The following MKLN1 variants were observed in gnomAD, a reference collection of about 807,000 sequenced individuals.
MKLN1 encodes muskelin.
A neutral mutation model predicts 99.0 loss-of-function variants in MKLN1; 18 were observed. The observed-to-expected ratio is 0.18, with a 90% CI of 0.13 to 0.27. MKLN1 has a LOEUF of 0.27. MKLN1 is among the 10% of genes least tolerant of loss of function. MKLN1 has a pLI of 1.00. For missense variants in MKLN1, 621 were observed against 875.9 expected (o/e 0.71, Z 3.67); for synonymous variants, 288 against 293.2 (o/e 0.98, Z 0.18).
At chr7:131,283,597 G>C (rs1378349459) in intron 3 of MKLN1, among the ~76,000 whole-genome samples, 1 of 151,774 alleles carries the variant, frequency 6.6e-6, no homozygotes, top group Non-Finnish European at 1.5e-5. Flanking sequence ...ACCACAGCTG[G>C]CTAATTTTTG....
chr7:131,155,613 C>T (rs1202428485), intron 2 of MKLN1, among the ~76,000 whole-genome samples: 3 of 151,986 alleles, frequency 2.0e-5, no homozygotes, highest in Non-Finnish European at 1.5e-5. Flanking sequence ...CATGTACCTT[C>T]TATATACAAC....
chr7:131,270,457 G>T (rs1251406166), intron 3 of MKLN1, among the ~76,000 whole-genome samples: 2 of 152,218 alleles, frequency 1.3e-5, no homozygotes, highest in Non-Finnish European at 2.9e-5. Flanking sequence ...CTGACCTCAG[G>T]TCATCCACCC....
intron 1 of MKLN1, among the ~76,000 whole-genome samples, chr7:131,356,956 T>TAAGGAAAGG (rs571971852): frequency 6.6e-6 from 1 of 151,532 alleles, no homozygotes; most frequent in Non-Finnish European, 1.5e-5. Context: ...TTTAGAACAG[T>TAAGGAAAGG]AAGGAAAGGA....
intron 9 of MKLN1, 95 bp from the exon 10 acceptor site, chr7:131,437,690 A>C (rs1281193592): frequency 9.7e-6 from 9 of 923,724 alleles, no homozygotes; most frequent in Admixed American, 2.4e-5. Flanking sequence ...AATGAAAGGT[A>C]ATAAAAAATG....
At position 131,313,211 on chromosome 7, in the gene MKLN1, T is replaced by C. The variant is rs145907189; in HGVS notation, c.-178-62213T>C. ...TAAACCCAAGATTACTAAAGTCAAGTGACCATGGAAAGCATTTGGGTTGGT... is the reference window on the plus strand; with the variant it reads ...TAAACCCAAGATTACTAAAGTCAAGCGACCATGGAAAGCATTTGGGTTGGT... On this transcript the variant is annotated intron_variant, in intron 3 of 7. Coordinates refer to the MKLN1 transcript ENST00000416992. 1.8e-3 allele frequency among the ~76,000 whole-genome samples: 281 copies of C among 152,330 alleles called. 1 individual carries two copies. Among genetic ancestry groups the C allele is most frequent in the African/African-American group, 6.4e-3 (266 of 41,580 alleles).
Position 131,317,765 on chromosome 7 carries a change from C to CAAA in MKLN1, c.-178-57640_-178-57638dup, listed in dbSNP as rs146525048. ...AATAAAGGGACGAGCAAATGGAAAG[C>CAAA]AAAAAAAAAAAAAAAAAAAAAGCAG... On this transcript the variant is annotated intron_variant, in intron 3 of 7. Coordinates refer to the MKLN1 transcript ENST00000416992. 4.4e-3 allele frequency among the ~76,000 whole-genome samples: 221 copies of CAAA among 49,808 alleles called. 1 individual carries two copies. Among genetic ancestry groups the CAAA allele is most frequent in the Middle Eastern group, 0.024 (2 of 82 alleles). 32.7% of individuals were successfully genotyped at this position (49,808 alleles called of 152,430 possible). A position where few individuals can be genotyped will look rare whatever the true frequency, so the allele number is the denominator to read the frequency against.
intron 3 of MKLN1, 78 bp from the exon 4 acceptor site, chr7:131,388,806 G>C: frequency 1.1e-6 from 1 of 873,466 alleles, no homozygotes; most frequent in Non-Finnish European, 1.8e-6. Flanking sequence ...CTTAAAACCT[G>C]AGTGTGCATT....
At chr7:131,202,600 T>C (rs556307841) in intron 2 of MKLN1, among the ~76,000 whole-genome samples, 10 of 152,268 alleles carry the variant, frequency 6.6e-5, no homozygotes, top group Admixed American at 5.9e-4. Flanking sequence ...CTGGGCATTA[T>C]AGGATGTTCA....
chr7:131,374,743 C>T (rs901939720), intron 1 of MKLN1, among the ~76,000 whole-genome samples: 20 of 151,814 alleles, frequency 1.3e-4, no homozygotes, highest in Middle Eastern at 6.8e-3. Flanking sequence ...GATGGTATGC[C>T]TAAAAGTGCA....
intron 9 of MKLN1, among the ~76,000 whole-genome samples, chr7:131,435,844 T>G (rs1419605741): frequency 6.6e-6 from 1 of 152,120 alleles, no homozygotes; most frequent in Non-Finnish European, 1.5e-5. Flanking sequence ...CCAACTTTGT[T>G]AATTTTCTCT....
At chr7:131,267,981 T>C (rs1464111356) in intron 3 of MKLN1, among the ~76,000 whole-genome samples, 1 of 152,260 alleles carries the variant, frequency 6.6e-6, no homozygotes, top group Non-Finnish European at 1.5e-5. Flanking sequence ...CAGTTTTTTT[T>C]CTTCTTTTTA....
At chr7:131,306,727 C>A (rs564335213) in intron 3 of MKLN1, among the ~76,000 whole-genome samples, 3 of 152,256 alleles carry the variant, frequency 2.0e-5, no homozygotes, top group Admixed American at 6.5e-5. Flanking sequence ...GAAATTGCAA[C>A]TTATGTTTAA....
intron 3 of MKLN1, among the ~76,000 whole-genome samples, chr7:131,219,672 C>G (rs1364075018): frequency 6.6e-6 from 1 of 152,002 alleles, no homozygotes; most frequent in Non-Finnish European, 1.5e-5. Context: ...CTGTCGGGCC[C>G]TGGGTTCAGC....
chr7:131,317,193 G>A (rs770140706), intron 3 of MKLN1, among the ~76,000 whole-genome samples: 3 of 152,022 alleles, frequency 2.0e-5, no homozygotes, highest in Non-Finnish European at 2.9e-5. Flanking sequence ...AAATGTTAAG[G>A]GCAGACACAG....
At chr7:131,370,298 T>C (rs550939866) in intron 1 of MKLN1, among the ~76,000 whole-genome samples, 12 of 152,148 alleles carry the variant, frequency 7.9e-5, no homozygotes, top group Non-Finnish European at 1.6e-4. Context: ...GTTTCTGGGT[T>C]TGTGTTTCTC....
intron 1 of MKLN1, among the ~76,000 whole-genome samples, chr7:131,360,752 CT>C (rs1336933067): frequency 6.6e-6 from 1 of 152,130 alleles, no homozygotes; most frequent in African/African-American, 2.4e-5. Context: ...GACCCTCTTT[CT>C]TTATGTACAT....
intron 1 of MKLN1, among the ~76,000 whole-genome samples, chr7:131,334,243 T>G (rs1222980761): frequency 6.6e-6 from 1 of 152,176 alleles, no homozygotes. Flanking sequence ...TGTGAACCAC[T>G]AGTTTGGAGG....
rs1584794172 is a variant in MKLN1 at position 131,489,456 on chromosome 7, C to T, written c.*1728C>T. 3 of 152,270 alleles carry T rather than the reference C, an allele frequency of 2.0e-5. No homozygotes were observed. The East Asian group carries it at 5.8e-4, about 29-fold the overall frequency. The allele number at this position is 152,270 out of a possible 1,614,324, so 9.4% of individuals were successfully genotyped here. A position where few individuals can be genotyped will look rare whatever the true frequency, so the allele number is the denominator to read the frequency against. ...CAAGTAAATACAGTTTGCTTACATACTTCAACAGTTTCATAAAACGATTCC... is the reference window on the plus strand; with the variant it reads ...CAAGTAAATACAGTTTGCTTACATATTTCAACAGTTTCATAAAACGATTCC... On this transcript the variant is annotated 3_prime_UTR_variant, in exon 18 of 18. Transcript: ENST00000352689.
At chr7:131,180,084 T>C (rs1030183027) in intron 2 of MKLN1, among the ~76,000 whole-genome samples, 4 of 152,154 alleles carry the variant, frequency 2.6e-5, no homozygotes, top group Admixed American at 6.6e-5. Flanking sequence ...CTTTTTTCCA[T>C]GGAAGGCTTG....
Sources: allele counts gnomAD v4.1 joint callset (sites outside exome capture counted in the v4.1 genomes callset), GRCh38; gene constraint gnomAD v4.1.1; transcripts MANE v1.5; gene names NCBI Gene and HGNC (gene_info 2026-07-23, HGNC 2026-07-21).